The following MOXD1 variants were observed in gnomAD, a reference collection of about 807,000 sequenced individuals.
MOXD1 encodes DBH-like monooxygenase protein 1.
A neutral mutation model predicts 66.6 loss-of-function variants in MOXD1; 62 were observed. That is an observed-to-expected ratio of 0.93 (90% confidence interval 0.76 to 1.15). The LOEUF (loss-of-function observed/expected upper bound fraction) is 1.15, where lower values mean the gene tolerates loss of function less well. Ranked by LOEUF, MOXD1 falls within the 50% of genes most tolerant of loss-of-function variation. The probability of loss-of-function intolerance (pLI) is 0.00; values close to 1 mark genes in which losing one functional copy is unlikely to be tolerated. For synonymous variants in MOXD1, 303 were observed against 281.9 expected (o/e 1.07, Z -0.75); for missense variants, 847 against 754.6 (o/e 1.12, Z -1.44).
At chr6:132,320,572 CAA>C (rs1203404902) in intron 9 of MOXD1, 55 bp downstream of exon 9, 1 of 1,401,262 alleles carries the variant, frequency 7.1e-7, no homozygotes, top group Non-Finnish European at 9.8e-7. Flanking sequence ...CTTCTAAAAT[CAA>C]GTTTATTTCT....
At chr6:132,332,779 A>G (rs1775349797) in intron 4 of MOXD1, among the ~76,000 whole-genome samples, 1 of 152,176 alleles carries the variant, frequency 6.6e-6, no homozygotes, top group African/African-American at 2.4e-5. Context: ...TGCTCCCACA[A>G]CAAGTTCTAC....
At chr6:132,366,432 T>C (rs1441617971) in intron 4 of MOXD1, among the ~76,000 whole-genome samples, 2 of 151,904 alleles carry the variant, frequency 1.3e-5, no homozygotes, top group East Asian at 1.9e-4. Context: ...AAAAAAACAA[T>C]GAGAACTAGA....
intron 7 of MOXD1, among the ~76,000 whole-genome samples, chr6:132,323,695 A>G (rs963113653): frequency 6.6e-6 from 1 of 152,174 alleles, no homozygotes; most frequent in African/African-American, 2.4e-5. Context: ...ACAAACAAAA[A>G]AGGTAGGAGT....
chr6:132,360,330 A>G (rs946574693), intron 4 of MOXD1, among the ~76,000 whole-genome samples: 1 of 152,228 alleles, frequency 6.6e-6, no homozygotes, highest in African/African-American at 2.4e-5. Flanking sequence ...CATCTGTAAA[A>G]TGAAGATAGT....
At chr6:132,382,350 C>G (rs1776528986) in intron 1 of MOXD1, among the ~76,000 whole-genome samples, 1 of 152,128 alleles carries the variant, frequency 6.6e-6, no homozygotes, top group Non-Finnish European at 1.5e-5. Context: ...CACATTTATA[C>G]AGTATTAATG....
At chr6:132,333,147 T>C (rs552108479) in intron 4 of MOXD1, among the ~76,000 whole-genome samples, 13 of 152,058 alleles carry the variant, frequency 8.5e-5, no homozygotes, top group East Asian at 3.9e-4. Flanking sequence ...CCATCCTGGC[T>C]AACAAGGTGA....
chr6:132,396,523 A>C (rs1776879511), intron 1 of MOXD1, among the ~76,000 whole-genome samples: 1 of 151,202 alleles, frequency 6.6e-6, no homozygotes, highest in South Asian at 2.1e-4. Context: ...GAAAAGAAAT[A>C]ATAAAGATCA....
chr6:132,343,004 C>T (rs1295077805), intron 4 of MOXD1, among the ~76,000 whole-genome samples: 3 of 152,094 alleles, frequency 2.0e-5, no homozygotes, highest in Non-Finnish European at 2.9e-5. Context: ...CACAGAACGA[C>T]AAAGGAGACA....
In MOXD1 at chr6:132,342,845, C is replaced by T. The variant is rs148926022; in HGVS notation, c.664-14251G>A. Among the ~76,000 whole-genome samples, 431 of 152,194 alleles carry T rather than the reference C, an allele frequency of 2.8e-3. 1 individual carries two copies. Among genetic ancestry groups the T allele is most frequent in the Non-Finnish European group, 4.4e-3 (301 of 68,018 alleles). On this transcript the variant is annotated intron_variant, in intron 4 of 11. Transcript: ENST00000367963. Reference sequence around the variant, plus strand: ...GTTTGTTTCTTTCAGTCAATACATGCGCTTCAATTCAGCAATACATCAAAG... The same window carrying T: ...GTTTGTTTCTTTCAGTCAATACATGTGCTTCAATTCAGCAATACATCAAAG...
chr6:132,323,905 G>A (rs890707816), intron 7 of MOXD1, 26 bp downstream of exon 7: 3 of 1,561,562 alleles, frequency 1.9e-6, no homozygotes, highest in African/African-American at 1.4e-5. Context: ...TCTGCAGAGA[G>A]CAGCTCAGAC....
In MOXD1 at chr6:132,297,970, C is replaced by T; in HGVS notation, c.1509-15G>A. On this transcript the variant is annotated splice_polypyrimidine_tract_variant and intron_variant, in intron 10 of 11. Transcript: ENST00000367963. ...AAGGCCAGGTCCTGAATTTAAAAGA[C>T]ACAGTTAGTCATATTCAGAACAAAT... The T allele has an allele frequency of 6.3e-7, 1 of 1,596,838 alleles. No homozygotes were observed. The highest frequency in any genetic ancestry group is 8.5e-7 in the Non-Finnish European group (1 of 1,173,488).
chr6:132,385,733 C>G (rs1776616846), intron 1 of MOXD1, among the ~76,000 whole-genome samples: 1 of 151,952 alleles, frequency 6.6e-6, no homozygotes, highest in African/African-American at 2.4e-5. Flanking sequence ...CTCAAGCGAT[C>G]TGCCTGCCTT....
intron 4 of MOXD1, among the ~76,000 whole-genome samples, chr6:132,338,233 A>G (rs960305761): frequency 6.6e-6 from 1 of 152,186 alleles, no homozygotes; most frequent in Non-Finnish European, 1.5e-5. Context: ...CCTGACCACC[A>G]CGTGATATAC....
rs371584683 is a variant in MOXD1 at position 132,401,297 on chromosome 6, G to A, written c.130C>T (p.Arg44Trp). ...EGKYWLGWSQ[R>W]GSQIAFRLQV... ...AGGCGGAAGGCGATCTGGCTGCCCC[G>A]CTGGCTCCAGCCCAGCCAGTACTTG... is the stretch of plus-strand genomic sequence containing the variant. Residue 44 changes from arginine (R) to tryptophan (W), a missense_variant, in exon 1 of 12, where the codon CGG becomes TGG. Arg to Trp is a moderately radical substitution (Grantham distance 101). Transcript: ENST00000367963. 1.3e-6 allele frequency: 2 copies of A among 1,596,342 alleles called. No homozygotes were observed. Among genetic ancestry groups the A allele is most frequent in the African/African-American group, 1.3e-5 (1 of 74,336 alleles).
At chr6:132,324,143 G>T in intron 6 of MOXD1, 46 bp from the exon 7 acceptor site, 2 of 1,551,534 alleles carry the variant, frequency 1.3e-6, no homozygotes, top group South Asian at 1.2e-5. Context: ...TTCTTAAAAT[G>T]TTTTCATTCC....
chr6:132,394,618 T>C (rs893384216), intron 1 of MOXD1, among the ~76,000 whole-genome samples: 2 of 92,944 alleles, frequency 2.2e-5, no homozygotes, highest in African/African-American at 1.8e-4. Flanking sequence ...GAGATAGATG[T>C]CATAAAAAAA....
Position 132,386,168 on chromosome 6 carries a change from C to T in MOXD1, c.265-11391G>A, listed in dbSNP as rs111867716. Among the ~76,000 whole-genome samples, 7 of 127,668 alleles carry T rather than the reference C, an allele frequency of 5.5e-5. 1 individual carries two copies. The highest frequency in any genetic ancestry group is 8.4e-5 in the Admixed American group (1 of 11,870). 83.8% of individuals were successfully genotyped at this position (127,668 alleles called of 152,430 possible). The stretch of plus-strand genomic sequence containing the variant: ...CTGTAATCCCAGCGCTTTGGGAGGC[C>T]GAGGCGGGCGGATCACGAGGTCAGG... On this transcript the variant is annotated intron_variant, in intron 1 of 11. Transcript: ENST00000367963.
At chr6:132,400,956 G>A (rs1777009441) in intron 1 of MOXD1, among the ~76,000 whole-genome samples, 1 of 152,240 alleles carries the variant, frequency 6.6e-6, no homozygotes. Flanking sequence ...GGGGTCATCC[G>A]TGCTCGGCTT....
Position 132,297,975 on chromosome 6 carries a change from T to C in MOXD1, c.1509-20A>G, listed in dbSNP as rs764569857. The stretch of plus-strand genomic sequence containing the variant: ...CAGGTCCTGAATTTAAAAGACACAG[T>C]TAGTCATATTCAGAACAAATGCATT... On this transcript the variant is annotated intron_variant, in intron 10 of 11. Coordinates refer to ENST00000367963, the MANE Select transcript of MOXD1 (RefSeq NM_015529.4). 3.1e-6 allele frequency: 5 copies of C among 1,595,550 alleles called. No homozygotes were observed. Among genetic ancestry groups the C allele is most frequent in the East Asian group, 2.2e-5 (1 of 44,658 alleles).
Sources: gnomAD v4.1 joint callset for allele counts (sites outside exome capture counted in the v4.1 genomes callset) on GRCh38, gnomAD v4.1.1 for gene constraint, MANE v1.5 for transcripts, NCBI Gene and HGNC (gene_info 2026-07-23, HGNC 2026-07-21) for gene names.